UBN2: variants seen among roughly 807,000 people sequenced by gnomAD.
UBN2 encodes ubinuclein 2, also known as ubinuclein-2.
Under a neutral mutation model 120.2 loss-of-function variants are expected in UBN2, and 35 were observed. The observed-to-expected ratio is 0.29, with a 90% CI of 0.22 to 0.39. UBN2 has a LOEUF of 0.39. Among genes scored for constraint, UBN2 ranks in the 10% least tolerant of loss-of-function variants. UBN2 has a pLI of 1.00. For synonymous variants in UBN2, 661 were observed against 648.7 expected, an observed-to-expected ratio of 1.02 and a Z score of -0.29; for missense variants, 1,693 against 1,663.2, an observed-to-expected ratio of 1.02 and a Z score of -0.31.
At chr7:139,294,398 C>T (rs1356105664) in intron 17 of UBN2, among the ~76,000 whole-genome samples, 1 of 152,234 alleles carries the variant, frequency 6.6e-6, no homozygotes, top group African/African-American at 2.4e-5. Context: ...AATCACGAAA[C>T]TGAATCAGAG....
chr7:139,270,414 A>G (rs909738581), intron 8 of UBN2, among the ~76,000 whole-genome samples: 27 of 151,640 alleles, frequency 1.8e-4, no homozygotes, highest in Non-Finnish European at 7.4e-5. Context: ...GATTACAGGC[A>G]CCCGCCATCA....
intron 2 of UBN2, among the ~76,000 whole-genome samples, chr7:139,238,527 A>C (rs1796224430): frequency 6.6e-6 from 1 of 151,910 alleles, no homozygotes; most frequent in Non-Finnish European, 1.5e-5. Flanking sequence ...GGGTTCAAGC[A>C]ATTCTTCTGC....
rs1190101820 is a variant in UBN2, at chr7:139,231,523, A to C, written c.39A>C (p.Ser13=). 1 of 1,417,776 alleles carries C rather than the reference A, an allele frequency of 7.1e-7. No homozygotes were observed. Among genetic ancestry groups the C allele is most frequent in the African/African-American group, 1.5e-5 (1 of 67,386 alleles). 87.8% of individuals were successfully genotyped at this position (1,417,776 alleles called of 1,614,324 possible). The stretch of plus-strand genomic sequence containing the variant: ...GCAGAGTAGCGTTCATTAGCTTGTC[A>C]CCGGTGCGGCGGCGCGAGGCCGAGT... ...EPRRVAFISL[S]PVRRREAEYP... The change falls in exon 1 of 18, where the codon TCA becomes TCC. Residue 13 remains serine (S), a synonymous_variant. Coordinates refer to ENST00000473989, the MANE Select transcript of UBN2 (RefSeq NM_173569.4).
intron 10 of UBN2, 48 bp downstream of exon 10, chr7:139,273,458 AT>A (rs1797349221): frequency 8.0e-7 from 1 of 1,247,126 alleles, no homozygotes; most frequent in Non-Finnish European, 1.1e-6. Context: ...CAGAAGTAAG[AT>A]TCCTCATTAA....
intron 1 of UBN2, among the ~76,000 whole-genome samples, chr7:139,232,352 A>G (rs1796048790): frequency 6.6e-6 from 1 of 152,070 alleles, no homozygotes; most frequent in Admixed American, 6.6e-5. Flanking sequence ...GGAAGAGAAA[A>G]CCTTGGGGGA....
chr7:139,261,246 T>G lies in UBN2; in HGVS notation c.906-6T>G. ...ATAGCCTAACTGATCATTTTTGTCT[T>G]CACAGAGTTGTGGCTCTAAATTCAC... is the stretch of plus-strand genomic sequence containing the variant. On this transcript the variant is annotated splice_region_variant and splice_polypyrimidine_tract_variant and intron_variant, in intron 5 of 17. Transcript: ENST00000473989. 6.3e-7 allele frequency: 1 copy of G among 1,594,066 alleles called. No individual in the cohort carries two copies. The highest frequency in any genetic ancestry group is 8.5e-7 in the Non-Finnish European group (1 of 1,172,580).
intron 7 of UBN2, 34 bp downstream of exon 7, chr7:139,266,437 G>A (rs190094175): frequency 2.5e-5 from 31 of 1,259,922 alleles, no homozygotes; most frequent in Admixed American, 8.8e-5. Context: ...AAAACCTTAA[G>A]AATGATACAT....
downstream of UBN2, chr7:139,308,352 A>G (rs1212599967): frequency 6.6e-6 from 1 of 152,128 alleles, no homozygotes; most frequent in East Asian, 1.9e-4. Flanking sequence ...TACAAGAAGT[A>G]AAGGACCCAG....
At chr7:139,320,006 G>A in the UBN2 span, among the ~76,000 whole-genome samples, 3 of 151,554 alleles carry the variant, frequency 2.0e-5, no homozygotes, top group East Asian at 3.9e-4. Context: ...AACCCAGGAG[G>A]CAGAGCTTGC....
intron 13 of UBN2, 104 bp downstream of exon 13, chr7:139,279,464 C>T: frequency 1.2e-6 from 1 of 809,714 alleles, no homozygotes; most frequent in South Asian, 1.8e-5. Context: ...TCAGTAGGCA[C>T]TATAAGATAG....
intron 2 of UBN2, among the ~76,000 whole-genome samples, chr7:139,245,939 A>G (rs1343310139): frequency 6.6e-6 from 1 of 152,222 alleles, no homozygotes; most frequent in East Asian, 1.9e-4. Context: ...GTCAACATGT[A>G]CAAGGCATTT....
intron 6 of UBN2, among the ~76,000 whole-genome samples, chr7:139,263,851 C>A (rs1797012128): frequency 6.6e-6 from 1 of 151,322 alleles, no homozygotes; most frequent in Non-Finnish European, 1.5e-5. Context: ...TGTTTATATA[C>A]ATGTGTGACT....
chr7:139,324,436 G>A, the UBN2 span, among the ~76,000 whole-genome samples: 2 of 150,968 alleles, frequency 1.3e-5, no homozygotes, highest in Non-Finnish European at 2.9e-5. Flanking sequence ...GGCCCCTGTA[G>A]TCCCAGCTAC....
intron 3 of UBN2, among the ~76,000 whole-genome samples, chr7:139,255,605 G>A (rs1796740281): frequency 6.6e-6 from 1 of 152,022 alleles, no homozygotes; most frequent in Admixed American, 6.6e-5. Context: ...AAATAACTTA[G>A]TGTCTTTGCC....
chr7:139,252,532 CAAT>C (rs1941759262), intron 3 of UBN2, among the ~76,000 whole-genome samples: 1 of 151,176 alleles, frequency 6.6e-6, no homozygotes, highest in South Asian at 2.1e-4. Context: ...ATTTTTTTTC[CAAT>C]AATTTTTAAA....
chr7:139,284,027 C>T lies in UBN2; in HGVS notation c.3122C>T (p.Ala1041Val), dbSNP rs760943227. 2 of 1,614,116 alleles carry T rather than the reference C, an allele frequency of 1.2e-6. No homozygotes were observed. Among genetic ancestry groups the T allele is most frequent in the South Asian group, 1.1e-5 (1 of 91,074 alleles). ...FSMAASPKLA[A>V]SPKPATSPKP... ...ATGGCTGCCTCCCCAAAACTTGCCG[C>T]ATCTCCCAAGCCTGCCACATCTCCT... The change falls in exon 15 of 18, where the codon GCA (alanine) becomes GTA (valine). Residue 1041 changes from alanine to valine, a missense_variant. Around this residue, in one of 5 missense-constraint regions of UBN2, gnomAD observed 837 missense variants for 817.6 expected, o/e 1.02. Coordinates refer to ENST00000473989, the MANE Select transcript of UBN2 (RefSeq NM_173569.4).
rs368489492 is a variant in UBN2, at chr7:139,235,281, T to C, written c.469-1724T>C. Among the ~76,000 whole-genome samples the C allele has an allele frequency of 7.2e-5, 11 of 152,326 alleles. No homozygotes were observed. The South Asian group carries it at 2.1e-3, about 29-fold the overall frequency. ...TTGCTTACTGTCCTTAACCTGAGCC[T>C]CTGGTTAAGGCTACACCCTGGACAT... On this transcript the variant is annotated intron_variant, in intron 1 of 17. Coordinates refer to ENST00000473989, the MANE Select transcript of UBN2 (RefSeq NM_173569.4).
At chr7:139,267,651 A>G (rs1350618971) in intron 7 of UBN2, among the ~76,000 whole-genome samples, 1 of 152,190 alleles carries the variant, frequency 6.6e-6, no homozygotes. Flanking sequence ...ACAGTTTCTC[A>G]TGAGATGTGA....
At position 139,306,354 on chromosome 7, in the gene UBN2, T is replaced by G. The variant is rs1401624150; in HGVS notation, c.*8518T>G. 1 of 152,238 alleles carries G rather than the reference T, an allele frequency of 6.6e-6. No individual in the cohort carries two copies. The highest frequency in any genetic ancestry group is 1.5e-5 in the Non-Finnish European group (1 of 68,044). 9.4% of individuals were successfully genotyped at this position (152,238 alleles called of 1,614,324 possible). On this transcript the variant is annotated 3_prime_UTR_variant, in exon 18 of 18. Coordinates refer to ENST00000473989, the MANE Select transcript of UBN2 (RefSeq NM_173569.4). ...GTGCCCTCTGTCAGAAAATTGGGTTTTCTTTACTATACCTGCAAAATTACC... is the reference window on the plus strand; with the variant it reads ...GTGCCCTCTGTCAGAAAATTGGGTTGTCTTTACTATACCTGCAAAATTACC...
Sources: allele counts gnomAD v4.1 joint callset (sites outside exome capture counted in the v4.1 genomes callset), GRCh38; gene constraint gnomAD v4.1.1; regional missense constraint gnomAD v4.1.1; transcripts MANE v1.5; gene names NCBI Gene and HGNC (gene_info 2026-07-23, HGNC 2026-07-21).